The following MYL9 variants were observed in gnomAD, a reference collection of about 807,000 sequenced individuals.
MYL9 encodes myosin regulatory light polypeptide 9.
In MYL9, 7 loss-of-function variants were observed where a neutral mutation model predicts 12.8. That is an observed-to-expected ratio of 0.55 (90% CI 0.31 to 1.03). The LOEUF (loss-of-function observed/expected upper bound fraction) is 1.03, where lower values mean the gene tolerates loss of function less well. Ranked by LOEUF, MYL9 falls within the 50% of genes least tolerant of loss-of-function variation. The pLI is 0.05. For missense variants in MYL9, 190 were observed against 242.7 expected, an observed-to-expected ratio of 0.78 and a Z score of 1.44; for synonymous variants, 81 against 87.8, an observed-to-expected ratio of 0.92 and a Z score of 0.43.
At chr20:36,547,915 C>G in intron 2 of MYL9, 117 bp from the exon 3 acceptor site, 2 of 1,270,052 alleles carry the variant, frequency 1.6e-6, no homozygotes, top group Non-Finnish European at 2.1e-6. Flanking sequence ...ACAAAACCCA[C>G]TACCTCCCGT....
Position 36,550,010 on chromosome 20 carries a change from C to T in MYL9, c.*761C>T, listed in dbSNP as rs2038151140. 1 of 152,330 alleles carries T rather than the reference C, an allele frequency of 6.6e-6. No homozygotes were observed. The highest frequency in any genetic ancestry group is 6.5e-5 in the Admixed American group (1 of 15,282). The allele number at this position is 152,330 out of a possible 1,614,324, so 9.4% of individuals were successfully genotyped here. On this transcript the variant is annotated 3_prime_UTR_variant, in exon 4 of 4. Coordinates refer to ENST00000279022, the MANE Select transcript of MYL9 (RefSeq NM_006097.5). ...GACCAGAGTCCCTAGTAAGTGGGCT[C>T]TGTGCTCAGCTGAGACCAGCAGGGG...
At chr20:36,545,915 G>A (rs558002290) in intron 2 of MYL9, among the ~76,000 whole-genome samples, 7 of 152,254 alleles carry the variant, frequency 4.6e-5, no homozygotes, top group South Asian at 4.1e-4. Flanking sequence ...GCAAGACTCC[G>A]TCTCAAAACA....
At position 36,550,320 on chromosome 20, in the gene MYL9, G is replaced by C. The variant is rs758714820; in HGVS notation, c.*1071G>C. The C allele has an allele frequency of 4.6e-5, 7 of 152,312 alleles. No individual in the cohort carries two copies. The highest frequency in any genetic ancestry group is 8.8e-5 in the Non-Finnish European group (6 of 68,142). 9.4% of individuals were successfully genotyped at this position (152,312 alleles called of 1,614,324 possible). On this transcript the variant is annotated 3_prime_UTR_variant, in exon 4 of 4. Transcript: ENST00000279022. ...GTTCAGCCCCAGGACCAACAGCATG[G>C]GGGCCACAGCTTTCCATGTCCCTGT...
Position 36,544,998 on chromosome 20 carries a change from C to T in MYL9, c.114C>T (p.Phe38=), listed in dbSNP as rs1600745587. Residue 38 remains phenylalanine (F), a synonymous_variant, in exon 2 of 4, where the codon TTC becomes TTT. Coordinates refer to ENST00000279022, the MANE Select transcript of MYL9 (RefSeq NM_006097.5). Reference sequence around the variant, plus strand: ...AGATCCAGGAGTTTAAGGAGGCTTTCAACATGATTGACCAGAACCGTGATG... The same window carrying T: ...AGATCCAGGAGTTTAAGGAGGCTTTTAACATGATTGACCAGAACCGTGATG... ...QSQIQEFKEA[F]NMIDQNRDGF... The T allele has an allele frequency of 6.2e-7, 1 of 1,614,080 alleles. No homozygotes were observed. The highest frequency in any genetic ancestry group is 8.5e-7 in the Non-Finnish European group (1 of 1,180,032).
Position 36,547,998 on chromosome 20 carries a change from A to C in MYL9, c.185-34A>C, listed in dbSNP as rs760165440. The C allele has an allele frequency of 1.9e-6, 3 of 1,573,868 alleles. No homozygotes were observed. In the East Asian group the frequency reaches 6.8e-5, roughly 36 times the overall value. On this transcript the variant is annotated intron_variant, in intron 2 of 3. Transcript: ENST00000279022. Reference sequence around the variant, plus strand: ...TGTCCCAGCTGGGGACAGAGGGCCCAGGACCACAGGCTGGAACACCCCACC... The same window carrying C: ...TGTCCCAGCTGGGGACAGAGGGCCCCGGACCACAGGCTGGAACACCCCACC...
At chr20:36,545,474 G>A (rs1409390722) in intron 2 of MYL9, among the ~76,000 whole-genome samples, 22 of 146,574 alleles carry the variant, frequency 1.5e-4, no homozygotes, top group Admixed American at 1.4e-3. Context: ...TCCAGCCTGG[G>A]CAACAGAGCG....
In MYL9 at chr20:36,544,859, G is replaced by A. The variant is rs2038075905; in HGVS notation, c.-26G>A. The stretch of plus-strand genomic sequence containing the variant: ...ACCCAACCCCCACCCCTTCCTGCAG[G>A]GAAGCCCCACCCACCAGAAGCCAAG... On this transcript the variant is annotated splice_region_variant and 5_prime_UTR_variant, in exon 2 of 4. Coordinates refer to ENST00000279022, the MANE Select transcript of MYL9 (RefSeq NM_006097.5). 3 of 1,603,676 alleles carry A rather than the reference G, an allele frequency of 1.9e-6. No individual in the cohort carries two copies. The highest frequency in any genetic ancestry group is 2.6e-6 in the Non-Finnish European group (3 of 1,173,870).
At chr20:36,545,830 G>C (rs919378132) in intron 2 of MYL9, among the ~76,000 whole-genome samples, 12 of 152,198 alleles carry the variant, frequency 7.9e-5, no homozygotes, top group Admixed American at 2.0e-4. Context: ...TGAGGCAGGA[G>C]AATGGTGTGA....
Position 36,549,339 on chromosome 20 carries a change from C to A in MYL9, c.*90C>A. The A allele has an allele frequency of 8.5e-7, 1 of 1,173,802 alleles. No individual in the cohort carries two copies. Among genetic ancestry groups the A allele is most frequent in the Non-Finnish European group, 1.2e-6 (1 of 830,336 alleles). The allele number at this position is 1,173,802 out of a possible 1,614,324, so 72.7% of individuals were successfully genotyped here. ...ACCAGCTCCCTGCCCATGACCCTCG[C>A]TCAGGGATCCCCCTTTGAGGGGTTA... On this transcript the variant is annotated 3_prime_UTR_variant, in exon 4 of 4. Transcript: ENST00000279022.
At chr20:36,548,988 G>C in intron 3 of MYL9, 89 bp from the exon 4 acceptor site, 1 of 1,346,582 alleles carries the variant, frequency 7.4e-7, no homozygotes, top group Non-Finnish European at 1.0e-6. Flanking sequence ...CTCTAGGTCT[G>C]CAAGAGCTGC....
chr20:36,545,743 A>G (rs1254915580), intron 2 of MYL9, among the ~76,000 whole-genome samples: 1 of 151,946 alleles, frequency 6.6e-6, no homozygotes, highest in Non-Finnish European at 1.5e-5. Flanking sequence ...ATCCTGGCTA[A>G]CATGGTGAAA....
At chr20:36,547,974 G>A (rs2038120627) in intron 2 of MYL9, 58 bp from the exon 3 acceptor site, 3 of 1,526,296 alleles carry the variant, frequency 2.0e-6, no homozygotes, top group Admixed American at 2.0e-5. Flanking sequence ...GGTGCAAGTT[G>A]TCCCAGCTGG....
intron 3 of MYL9, among the ~76,000 whole-genome samples, chr20:36,548,848 C>G (rs1222869224): frequency 6.6e-6 from 1 of 152,146 alleles, no homozygotes; most frequent in African/African-American, 2.4e-5. Context: ...CACTGCACAA[C>G]TCCTCCCCTC....
In MYL9 at chr20:36,548,132, C is replaced by T. The variant is rs149515934; in HGVS notation, c.285C>T (p.Asn95=). The part of the protein sequence containing the change: ...MFLTMFGEKL[N]GTDPEDVIRN... Reference sequence around the variant, plus strand: ...TCACCATGTTTGGGGAGAAGCTGAACGGCACGGACCCCGAGGATGTGATTC... The same window carrying T: ...TCACCATGTTTGGGGAGAAGCTGAATGGCACGGACCCCGAGGATGTGATTC... Residue 95 remains asparagine, a synonymous_variant, in exon 3 of 4, where the codon AAC becomes AAT. Transcript: ENST00000279022. 1.1e-5 allele frequency: 17 copies of T among 1,613,876 alleles called. No individual in the cohort carries two copies. Among genetic ancestry groups the T allele is most frequent in the South Asian group, 4.4e-5 (4 of 91,086 alleles).
At chr20:36,542,192 C>G (rs1156437588) in intron 1 of MYL9, among the ~76,000 whole-genome samples, 1 of 152,092 alleles carries the variant, frequency 6.6e-6, no homozygotes, top group Non-Finnish European at 1.5e-5. Context: ...GGACTCACCC[C>G]TAGGGGGCAG....
intron 1 of MYL9, 68 bp from the exon 2 acceptor site, chr20:36,544,791 C>T: frequency 7.2e-7 from 1 of 1,391,274 alleles, no homozygotes; most frequent in East Asian, 2.4e-5. Context: ...AAAAGCCAGT[C>T]TGGGGGAGGC....
chr20:36,542,266 G>A (rs1285838414), intron 1 of MYL9, among the ~76,000 whole-genome samples: 1 of 152,174 alleles, frequency 6.6e-6, no homozygotes, highest in Non-Finnish European at 1.5e-5. Context: ...CTGCTCTAAG[G>A]AGGAGACTCA....
In MYL9 at chr20:36,549,457, T is replaced by G; in HGVS notation, c.*208T>G. ...ACAGTGACCCCAGAGCCCTGGGCTATAGTCTCTGACCCCTCCAAGGAAAGA... is the reference window on the plus strand; with the variant it reads ...ACAGTGACCCCAGAGCCCTGGGCTAGAGTCTCTGACCCCTCCAAGGAAAGA... On this transcript the variant is annotated 3_prime_UTR_variant, in exon 4 of 4. Transcript: ENST00000279022. The G allele has an allele frequency of 3.6e-6, 2 of 554,708 alleles. No homozygotes were observed. Among genetic ancestry groups the G allele is most frequent in the Non-Finnish European group, 6.4e-6 (2 of 311,472 alleles). 34.4% of individuals were successfully genotyped at this position (554,708 alleles called of 1,614,324 possible).
At position 36,551,283 on chromosome 20, in the gene MYL9, A is replaced by C. The variant is rs1180464831; in HGVS notation, c.*2034A>C. On this transcript the variant is annotated 3_prime_UTR_variant, in exon 4 of 4. Transcript: ENST00000279022. The stretch of plus-strand genomic sequence containing the variant: ...GGGCAAGGCAGGACCTGCAGCACCC[A>C]CAGACCAGCAGTAAAGGACCCCCGG... The C allele has an allele frequency of 6.6e-6, 1 of 152,306 alleles. No individual in the cohort carries two copies. Among genetic ancestry groups the C allele is most frequent in the Non-Finnish European group, 1.5e-5 (1 of 68,106 alleles). The allele number at this position is 152,306 out of a possible 1,614,324, so 9.4% of individuals were successfully genotyped here. A position where few individuals can be genotyped will look rare whatever the true frequency, so the allele number is the denominator to read the frequency against.
Sources: allele counts gnomAD v4.1 joint callset (sites outside exome capture counted in the v4.1 genomes callset), GRCh38; gene constraint gnomAD v4.1.1; transcripts MANE v1.5; gene names NCBI Gene and HGNC (gene_info 2026-07-23, HGNC 2026-07-21).